Variants in BTBD7 observed in about 807,000 individuals in gnomAD.
BTBD7 encodes the protein BTB domain containing 7, also known as BTB/POZ domain-containing protein 7.
Under a neutral mutation model 99.9 loss-of-function variants are expected in BTBD7, and 38 were observed. The ratio of observed to expected loss-of-function variants is 0.38; its 90% CI spans 0.29 to 0.50. The LOEUF (loss-of-function observed/expected upper bound fraction) is 0.50. BTBD7 is among the 20% of genes least tolerant of loss of function. The probability of loss-of-function intolerance (pLI) is 0.93; values close to 1 mark genes in which losing one functional copy is unlikely to be tolerated. For missense variants in BTBD7, 1,170 were observed against 1,394.6 expected, an observed-to-expected ratio of 0.84 and a Z score of 2.57; for synonymous variants, 520 against 511.4, an observed-to-expected ratio of 1.02 and a Z score of -0.23.
intron 7 of BTBD7, 106 bp downstream of exon 7, chr14:93,253,541 T>C (rs2052391687): frequency 9.5e-7 from 1 of 1,049,474 alleles, no homozygotes; most frequent in South Asian, 3.1e-5. Flanking sequence ...TCCCTATTGT[T>C]GAAAATATAG....
intron 1 of BTBD7, among the ~76,000 whole-genome samples, chr14:93,299,510 G>C (rs925463504): frequency 1.3e-5 from 2 of 152,152 alleles, no homozygotes; most frequent in African/African-American, 4.8e-5. Context: ...AGGACTTGGA[G>C]AGGCCCAGAA....
At chr14:93,322,501 C>A (rs889998421) in intron 1 of BTBD7, among the ~76,000 whole-genome samples, 1 of 149,280 alleles carries the variant, frequency 6.7e-6, no homozygotes, top group African/African-American at 2.6e-5. Flanking sequence ...TTTTTAAATT[C>A]AAGAATTAGT....
intron 3 of BTBD7, among the ~76,000 whole-genome samples, chr14:93,281,757 C>T (rs2052722843): frequency 6.6e-6 from 1 of 152,154 alleles, no homozygotes; most frequent in South Asian, 2.1e-4. Context: ...CACAGTATAT[C>T]ACTAATAAGG....
chr14:93,275,092 G>A (rs918282002), intron 3 of BTBD7, among the ~76,000 whole-genome samples: 2 of 152,166 alleles, frequency 1.3e-5, no homozygotes, highest in African/African-American at 4.8e-5. Flanking sequence ...ACAGTGGGGG[G>A]CTACCTAAAT....
chr14:93,297,158 C>G (rs1246677612), intron 1 of BTBD7, among the ~76,000 whole-genome samples: 1 of 152,134 alleles, frequency 6.6e-6, no homozygotes, highest in Non-Finnish European at 1.5e-5. Flanking sequence ...GTGAAAAACA[C>G]GTACACAAAT....
intron 1 of BTBD7, among the ~76,000 whole-genome samples, chr14:93,297,299 A>G (rs2052940940): frequency 6.6e-6 from 1 of 152,188 alleles, no homozygotes; most frequent in Admixed American, 6.5e-5. Flanking sequence ...TTTTCCTACA[A>G]TCTTTTATAG....
chr14:93,295,648 A>G (rs1341820033), intron 2 of BTBD7, among the ~76,000 whole-genome samples: 1 of 152,210 alleles, frequency 6.6e-6, no homozygotes, highest in African/African-American at 2.4e-5. Context: ...ACAAGTCTGC[A>G]TTTGTATGGG....
chr14:93,281,192 G>C (rs544787057), intron 3 of BTBD7, among the ~76,000 whole-genome samples: 1 of 150,254 alleles, frequency 6.7e-6, no homozygotes, highest in Non-Finnish European at 1.5e-5. Flanking sequence ...TGTAGAGATG[G>C]AGTTTCACCA....
chr14:93,303,126 TTC>T (rs1286684148), intron 1 of BTBD7, among the ~76,000 whole-genome samples: 3 of 152,216 alleles, frequency 2.0e-5, no homozygotes, highest in African/African-American at 7.2e-5. Context: ...ACCATTATAC[TTC>T]TGTTACAGAA....
At chr14:93,332,360 A>T (rs112292117) in intron 1 of BTBD7, 11,974 of 152,322 alleles carry the variant, frequency 0.079, 1,007 homozygotes, top group African/African-American at 0.21. Flanking sequence ...CCCTTCCCAG[A>T]CCCCGCCGGC....
intron 1 of BTBD7, among the ~76,000 whole-genome samples, chr14:93,316,897 G>A (rs2053213425): frequency 6.6e-6 from 1 of 152,116 alleles, no homozygotes; most frequent in African/African-American, 2.4e-5. Flanking sequence ...AGCAAAGTGG[G>A]TCAGGGAAAA....
intron 3 of BTBD7, among the ~76,000 whole-genome samples, chr14:93,264,430 A>G (rs372199344): frequency 9.8e-5 from 15 of 152,348 alleles, no homozygotes; most frequent in Admixed American, 3.9e-4. Flanking sequence ...CCAGCTATGC[A>G]GACATCCACT....
At chr14:93,261,755 G>T in intron 4 of BTBD7, 78 bp from the exon 5 acceptor site, 1 of 1,044,866 alleles carries the variant, frequency 9.6e-7, no homozygotes, top group Non-Finnish European at 1.5e-6. Context: ...TTTCGTAGGT[G>T]GGAAATAACA....
At chr14:93,274,404 T>TGACTC (rs2052632954) in intron 3 of BTBD7, among the ~76,000 whole-genome samples, 4 of 152,236 alleles carry the variant, frequency 2.6e-5, no homozygotes, top group African/African-American at 9.6e-5. Context: ...AGTCAGCACC[T>TGACTC]CTGGAAATCT....
chr14:93,258,034 A>G (rs1195420000), intron 5 of BTBD7, among the ~76,000 whole-genome samples: 1 of 152,194 alleles, frequency 6.6e-6, no homozygotes, highest in Non-Finnish European at 1.5e-5. Flanking sequence ...TATGCTATTG[A>G]GGTGGGAAGA....
intron 3 of BTBD7, chr14:93,288,634 T>C (rs772937160): frequency 8.2e-7 from 1 of 1,219,712 alleles, no homozygotes; most frequent in Non-Finnish European, 1.2e-6. Context: ...TGGGTTTTCA[T>C]ATTTAAGATT....
intron 1 of BTBD7, among the ~76,000 whole-genome samples, chr14:93,320,460 G>A (rs573418266): frequency 1.3e-3 from 205 of 152,330 alleles, no homozygotes; most frequent in African/African-American, 4.7e-3. Context: ...TGCCAAGGTT[G>A]AGAAGCCCTG....
At chr14:93,318,983 G>A (rs569964784) in intron 1 of BTBD7, among the ~76,000 whole-genome samples, 53 of 152,304 alleles carry the variant, frequency 3.5e-4, no homozygotes, top group Admixed American at 3.1e-3. Context: ...TCAGGAGGCC[G>A]AGGTGGGCAG....
intron 1 of BTBD7, among the ~76,000 whole-genome samples, chr14:93,304,442 T>C (rs2053046588): frequency 6.6e-6 from 1 of 152,182 alleles, no homozygotes; most frequent in Admixed American, 6.5e-5. Flanking sequence ...ACCTCTGCCA[T>C]CCAGGTTCGA....
Sources: gnomAD v4.1 joint callset for allele counts (sites outside exome capture counted in the v4.1 genomes callset) on GRCh38, gnomAD v4.1.1 for gene constraint, MANE v1.5 for transcripts, NCBI Gene and HGNC (gene_info 2026-07-23, HGNC 2026-07-21) for gene names.